EYS: variants seen among roughly 807,000 people sequenced by gnomAD.
The protein encoded by EYS is protein eyes shut homolog.
In EYS, 250 loss-of-function variants were observed where a neutral mutation model predicts 282.1. That is an observed-to-expected ratio of 0.89 (90% CI 0.80 to 0.98). The LOEUF (loss-of-function observed/expected upper bound fraction) is 0.98. EYS is among the 50% of genes least tolerant of loss of function. The pLI is 0.00. For missense variants in EYS, 4,016 were observed against 3,709.0 expected (o/e 1.08, Z -2.15); for synonymous variants, 1,355 against 1,282.9 (o/e 1.06, Z -1.20).
intron 37 of EYS, among the ~76,000 whole-genome samples, chr6:63,800,292 T>C (rs1047073317): frequency 6.6e-6 from 1 of 152,230 alleles, no homozygotes; most frequent in Non-Finnish European, 1.5e-5. Flanking sequence ...TTTAAGTACC[T>C]GTGTTTTGCT....
intron 14 of EYS, among the ~76,000 whole-genome samples, chr6:64,947,071 C>G (rs1769309928): frequency 6.6e-6 from 1 of 151,654 alleles, no homozygotes; most frequent in African/African-American, 2.4e-5. Flanking sequence ...GAGTAGGAGC[C>G]CTGAGATTAC....
At chr6:64,335,626 C>A (rs1250573692) in intron 29 of EYS, among the ~76,000 whole-genome samples, 5 of 152,082 alleles carry the variant, frequency 3.3e-5, no homozygotes, top group African/African-American at 1.2e-4. Context: ...TTAATAAATT[C>A]TCCCGAACCT....
At chr6:63,790,137 A>G (rs1770472477) in intron 37 of EYS, among the ~76,000 whole-genome samples, 4 of 152,322 alleles carry the variant, frequency 2.6e-5, no homozygotes, top group Admixed American at 6.5e-5. Flanking sequence ...TAAGAGGTTT[A>G]AGCATGGGAG....
At chr6:64,120,176 T>C (rs1193044000) in intron 31 of EYS, among the ~76,000 whole-genome samples, 2 of 147,562 alleles carry the variant, frequency 1.4e-5, no homozygotes, top group South Asian at 2.1e-4. Flanking sequence ...TGAAACCCTG[T>C]CTCTACTAAA....
chr6:64,299,199 C>A (rs1209584838), intron 30 of EYS, among the ~76,000 whole-genome samples: 27 of 152,172 alleles, frequency 1.8e-4, no homozygotes, highest in Admixed American at 1.8e-3. Flanking sequence ...CTCATGTGGT[C>A]CTAAGACCAA....
At chr6:65,021,742 G>A (rs1048970868) in intron 13 of EYS, among the ~76,000 whole-genome samples, 1 of 152,160 alleles carries the variant, frequency 6.6e-6, no homozygotes, top group Non-Finnish European at 1.5e-5. Context: ...TGAGACTGGG[G>A]TAATTTCAAA....
chr6:65,180,212 C>T (rs1765340427), intron 12 of EYS, among the ~76,000 whole-genome samples: 5 of 151,796 alleles, frequency 3.3e-5, no homozygotes, highest in African/African-American at 1.2e-4. Context: ...CCAGGGAAGT[C>T]AGGCAGGAGA....
chr6:64,273,876 G>C (rs1156693283), intron 30 of EYS, among the ~76,000 whole-genome samples: 1 of 152,124 alleles, frequency 6.6e-6, no homozygotes, highest in South Asian at 2.1e-4. Context: ...AAACCTTCAA[G>C]TCTTTCTGGC....
At chr6:63,861,363 G>A (rs1463999295) in intron 36 of EYS, among the ~76,000 whole-genome samples, 1 of 152,102 alleles carries the variant, frequency 6.6e-6, no homozygotes, top group East Asian at 1.9e-4. Context: ...CACTGCCATT[G>A]CCCTTGTCCT....
At chr6:64,776,971 T>A (rs1773699023) in intron 22 of EYS, among the ~76,000 whole-genome samples, 1 of 152,154 alleles carries the variant, frequency 6.6e-6, no homozygotes, top group Admixed American at 6.6e-5. Flanking sequence ...TCGGCATGGC[T>A]GCGGAGGCCT....
intron 22 of EYS, among the ~76,000 whole-genome samples, chr6:64,686,924 TAC>T (rs1299169660): frequency 7.1e-6 from 1 of 140,580 alleles, no homozygotes; most frequent in African/African-American, 2.6e-5. Context: ...CACATATATA[TAC>T]GTATATATAT....
chr6:64,238,305 T>C (rs1186329022), intron 30 of EYS, among the ~76,000 whole-genome samples: 2 of 152,194 alleles, frequency 1.3e-5, no homozygotes, highest in Non-Finnish European at 2.9e-5. Context: ...TTTCACAGTA[T>C]GAAGGGTGGA....
intron 2 of EYS, among the ~76,000 whole-genome samples, chr6:65,627,673 G>T (rs1280433904): frequency 1.3e-5 from 2 of 152,320 alleles, no homozygotes; most frequent in Admixed American, 1.3e-4. Context: ...GGCAATGAGG[G>T]ACTTAGCACC....
intron 2 of EYS, among the ~76,000 whole-genome samples, chr6:65,605,138 C>A (rs780882922): frequency 6.6e-6 from 1 of 151,386 alleles, no homozygotes; most frequent in Non-Finnish European, 1.5e-5. Context: ...AGTCACCATA[C>A]TGGCTTTCAC....
chr6:65,614,012 A>G (rs574709697), intron 2 of EYS, among the ~76,000 whole-genome samples: 106 of 152,156 alleles, frequency 7.0e-4, no homozygotes, highest in Non-Finnish European at 1.0e-3. Flanking sequence ...TACAGGCAAC[A>G]TGGTGTCCAT....
intron 6 of EYS, among the ~76,000 whole-genome samples, chr6:65,404,703 C>T (rs1440605715): frequency 6.6e-6 from 1 of 151,386 alleles, no homozygotes. Context: ...GGACAATTCT[C>T]CAGGGGAAAA....
intron 12 of EYS, among the ~76,000 whole-genome samples, chr6:65,248,402 A>T (rs1021925216): frequency 1.3e-5 from 2 of 152,084 alleles, no homozygotes; most frequent in Non-Finnish European, 2.9e-5. Context: ...ATGGGGGTGC[A>T]TGGAAGTGAG....
intron 2 of EYS, among the ~76,000 whole-genome samples, chr6:65,514,426 T>C (rs568149067): frequency 2.0e-4 from 30 of 152,222 alleles, no homozygotes; most frequent in Middle Eastern, 3.4e-3. Flanking sequence ...TTTCACAGAA[T>C]TGGAAAAAAC....
intron 35 of EYS, among the ~76,000 whole-genome samples, chr6:63,879,009 G>T (rs1773057263): frequency 6.6e-6 from 1 of 152,196 alleles, no homozygotes; most frequent in Admixed American, 6.5e-5. Flanking sequence ...TACTTCAGGT[G>T]CAACTGCAGA....
Sources: gnomAD v4.1 joint callset for allele counts (sites outside exome capture counted in the v4.1 genomes callset) on GRCh38, gnomAD v4.1.1 for gene constraint, MANE v1.5 for transcripts, NCBI Gene and HGNC (gene_info 2026-07-23, HGNC 2026-07-21) for gene names.